Variants in DOCK3 observed in about 807,000 individuals in gnomAD.
DOCK3 encodes the protein dedicator of cytokinesis protein 3.
A neutral mutation model predicts 265.6 loss-of-function variants in DOCK3; 60 were observed. The observed-to-expected ratio is 0.23, with a 90% CI of 0.18 to 0.28. The LOEUF (loss-of-function observed/expected upper bound fraction) is 0.28. Among genes scored for constraint, DOCK3 ranks in the 10% least tolerant of loss-of-function variants. DOCK3 has a pLI of 1.00. For missense variants in DOCK3, 1,981 were observed against 2,594.3 expected (o/e 0.76, Z 5.14); for synonymous variants, 881 against 938.0 (o/e 0.94, Z 1.11).
chr3:51,228,868 C>A, intron 18 of DOCK3, 36 bp downstream of exon 18: 2 of 1,605,170 alleles, frequency 1.2e-6, no homozygotes, highest in South Asian at 1.1e-5. Flanking sequence ...TGCCCTCCAC[C>A]CTCCTCCATT....
intron 5 of DOCK3, among the ~76,000 whole-genome samples, chr3:51,003,485 A>G (rs1321841168): frequency 1.3e-5 from 2 of 152,254 alleles, no homozygotes; most frequent in African/African-American, 4.8e-5. Context: ...TAGAGCTGCA[A>G]GTGAAAGACA....
intron 3 of DOCK3, among the ~76,000 whole-genome samples, chr3:50,889,284 A>G (rs920064649): frequency 4.6e-5 from 7 of 151,848 alleles, no homozygotes; most frequent in Non-Finnish European, 7.4e-5. Context: ...GGATCTTGCT[A>G]TGTTGCCCAG....
intron 35 of DOCK3, among the ~76,000 whole-genome samples, chr3:51,334,641 G>A (rs1361565327): frequency 6.6e-6 from 1 of 152,218 alleles, no homozygotes; most frequent in African/African-American, 2.4e-5. Context: ...CCCTTTTACA[G>A]CAGGAGACTT....
intron 2 of DOCK3, among the ~76,000 whole-genome samples, chr3:50,781,011 A>G (rs1399625287): frequency 6.6e-6 from 1 of 152,090 alleles, no homozygotes; most frequent in African/African-American, 2.4e-5. Flanking sequence ...GCAGAATAGT[A>G]TTCCATTGTG....
chr3:51,214,134 C>T lies in DOCK3; in HGVS notation c.1139C>T (p.Ser380Phe), dbSNP rs1353843615. 1 of 1,613,804 alleles carries T rather than the reference C, an allele frequency of 6.2e-7. No individual in the cohort carries two copies. The highest frequency in any genetic ancestry group is 8.5e-7 in the Non-Finnish European group (1 of 1,179,814). ...APSASHGLII[S>F]LQLLRGDMEQ... Reference sequence around the variant, plus strand: ...TTTGTTTTTGCAGGTCTTATCATTTCTCTGCAGCTTCTTCGTGGAGACATG... The same window carrying T: ...TTTGTTTTTGCAGGTCTTATCATTTTTCTGCAGCTTCTTCGTGGAGACATG... The change falls in exon 14 of 53, where the codon TCT becomes TTT. Residue 380 changes from serine (S) to phenylalanine (F), a missense_variant. By Grantham distance (155) the Ser-to-Phe change is radical. Transcript: ENST00000266037.
At chr3:50,995,562 G>T (rs1432307604) in intron 5 of DOCK3, among the ~76,000 whole-genome samples, 1 of 152,162 alleles carries the variant, frequency 6.6e-6, no homozygotes, top group Non-Finnish European at 1.5e-5. Flanking sequence ...TACAGACTTT[G>T]CAGAGGAAGA....
chr3:50,992,052 A>C (rs2078126092), intron 5 of DOCK3, among the ~76,000 whole-genome samples: 1 of 152,234 alleles, frequency 6.6e-6, no homozygotes, highest in African/African-American at 2.4e-5. Flanking sequence ...ACTGAGAACA[A>C]ATATACAACA....
intron 40 of DOCK3, among the ~76,000 whole-genome samples, chr3:51,354,220 A>C (rs1028506939): frequency 4.5e-3 from 584 of 129,314 alleles, no homozygotes; most frequent in African/African-American, 9.4e-3. Flanking sequence ...CTTGATCACC[A>C]CCCCCCCCCC....
chr3:50,812,352 T>A (rs2043809091), intron 2 of DOCK3, among the ~76,000 whole-genome samples: 1 of 152,186 alleles, frequency 6.6e-6, no homozygotes. Context: ...AAAGCCCAAC[T>A]CCCATGAGCT....
chr3:50,814,305 C>T (rs752548069), intron 2 of DOCK3, among the ~76,000 whole-genome samples: 7 of 152,052 alleles, frequency 4.6e-5, no homozygotes, highest in Admixed American at 1.3e-4. Flanking sequence ...GTAGCCCTGT[C>T]GCCCAGGCTG....
intron 7 of DOCK3, among the ~76,000 whole-genome samples, chr3:51,087,506 A>G (rs1397955477): frequency 6.6e-6 from 1 of 152,204 alleles, no homozygotes; most frequent in African/African-American, 2.4e-5. Context: ...GCTGTATATG[A>G]CACATCCACA....
At chr3:51,134,049 C>T (rs935453600) in intron 9 of DOCK3, among the ~76,000 whole-genome samples, 4 of 152,158 alleles carry the variant, frequency 2.6e-5, no homozygotes, top group South Asian at 2.1e-4. Context: ...TCTGTTTCTG[C>T]GTTAGTTTGC....
rs528561126 is a variant in DOCK3 at position 50,882,293 on chromosome 3, G to A, written c.163-7733G>A. Among the ~76,000 whole-genome samples, 9 of 152,294 alleles carry A rather than the reference G, an allele frequency of 5.9e-5. No homozygotes were observed. In the South Asian group the frequency reaches 1.5e-3, roughly 25 times the overall value. ...GATCTAATTAAACTAAAGAGCTTCTGCACAGCAAAAGAAACTACCATCAGA... is the reference window on the plus strand; with the variant it reads ...GATCTAATTAAACTAAAGAGCTTCTACACAGCAAAAGAAACTACCATCAGA... On this transcript the variant is annotated intron_variant, in intron 3 of 52. Coordinates refer to ENST00000266037, the MANE Select transcript of DOCK3 (RefSeq NM_004947.5).
intron 19 of DOCK3, among the ~76,000 whole-genome samples, chr3:51,231,580 A>G (rs2090548678): frequency 6.6e-6 from 1 of 152,034 alleles, no homozygotes; most frequent in Admixed American, 6.5e-5. Context: ...GTGTCTGTCC[A>G]TGTCTTCTGC....
intron 5 of DOCK3, among the ~76,000 whole-genome samples, chr3:50,957,830 T>C (rs2076770157): frequency 6.6e-6 from 1 of 152,236 alleles, no homozygotes; most frequent in Admixed American, 6.5e-5. Flanking sequence ...TTGTTCAGAC[T>C]TCACTAGGTT....
intron 3 of DOCK3, among the ~76,000 whole-genome samples, chr3:50,872,467 A>T (rs908063661): frequency 3.3e-5 from 5 of 152,224 alleles, no homozygotes; most frequent in African/African-American, 1.2e-4. Flanking sequence ...CACCACCACT[A>T]GGACTGTGCT....
intron 9 of DOCK3, among the ~76,000 whole-genome samples, chr3:51,120,492 C>T (rs960752637): frequency 6.6e-6 from 1 of 152,214 alleles, no homozygotes; most frequent in Non-Finnish European, 1.5e-5. Flanking sequence ...AGCTCAAGCA[C>T]CGTGCTGGGA....
intron 23 of DOCK3, among the ~76,000 whole-genome samples, chr3:51,260,950 C>T (rs1010960071): frequency 1.3e-5 from 2 of 151,784 alleles, no homozygotes; most frequent in African/African-American, 4.8e-5. Flanking sequence ...CACCACTGCA[C>T]TCCAGCCTGG....
chr3:51,228,138 C>T (rs758558965), intron 17 of DOCK3, 50 bp downstream of exon 17: 2 of 1,558,970 alleles, frequency 1.3e-6, no homozygotes, highest in Admixed American at 3.4e-5. Context: ...GCCCTGAGGC[C>T]ACTCTCACAC....
Sources: gnomAD v4.1 joint callset for allele counts (sites outside exome capture counted in the v4.1 genomes callset) on GRCh38, gnomAD v4.1.1 for gene constraint, MANE v1.5 for transcripts, NCBI Gene and HGNC (gene_info 2026-07-23, HGNC 2026-07-21) for gene names.